The following BEND5 variants were observed in gnomAD, a reference collection of about 807,000 sequenced individuals.
BEND5 encodes BEN domain-containing protein 5.
BEND5 carries 22 observed loss-of-function variants against 43.9 expected under a neutral mutation model. That is an observed-to-expected ratio of 0.50 (90% CI 0.36 to 0.72). BEND5 has a LOEUF of 0.72. Ranked by LOEUF, BEND5 falls within the 30% of genes least tolerant of loss-of-function variation. The probability of loss-of-function intolerance (pLI) is 0.00; values close to 1 mark genes in which losing one functional copy is unlikely to be tolerated. For synonymous variants in BEND5, 228 were observed against 225.9 expected (o/e 1.01, Z -0.08); for missense variants, 428 against 550.6 (o/e 0.78, Z 2.23).
chr1:48,730,372 G>A (rs1159186231), intron 5 of BEND5, among the ~76,000 whole-genome samples: 2 of 152,142 alleles, frequency 1.3e-5, no homozygotes, highest in African/African-American at 2.4e-5. Context: ...CTCTAGGGGG[G>A]ACTTCTCTGG....
intron 3 of BEND5, among the ~76,000 whole-genome samples, chr1:48,752,993 C>T (rs913697386): frequency 6.6e-6 from 1 of 152,222 alleles, no homozygotes; most frequent in African/African-American, 2.4e-5. Flanking sequence ...CGTGATCCGC[C>T]TGCCTCGGCC....
At chr1:48,750,329 G>A (rs1219081761) in intron 3 of BEND5, among the ~76,000 whole-genome samples, 3 of 152,132 alleles carry the variant, frequency 2.0e-5, no homozygotes, top group Non-Finnish European at 4.4e-5. Flanking sequence ...CTGCTACCCA[G>A]CACTTCACTG....
chr1:48,758,808 T>C (rs1425629884), intron 3 of BEND5, 92 bp downstream of exon 3: 20 of 1,189,942 alleles, frequency 1.7e-5, no homozygotes, highest in Non-Finnish European at 2.3e-5. Flanking sequence ...TCAGGGCACT[T>C]GGTCTCCCTC....
rs1240182647 is a variant in BEND5, at chr1:48,736,654, A to C, written c.895-202T>G. Among the ~76,000 whole-genome samples, 1 of 152,132 alleles carries C rather than the reference A, an allele frequency of 6.6e-6. No individual in the cohort carries two copies. Among genetic ancestry groups the C allele is most frequent in the Non-Finnish European group, 1.5e-5 (1 of 68,024 alleles). On this transcript the variant is annotated intron_variant, in intron 4 of 5. Coordinates refer to ENST00000371833, the MANE Select transcript of BEND5 (RefSeq NM_024603.4). The surrounding 1 kb of genome is among the most constrained non-coding windows in gnomAD (Gnocchi z 4.0). ...GCCAGGCCTTATTCTAGGGCTTTAT[A>C]TTTGCTATCTTAAATCTTCATGGCA... is the stretch of plus-strand genomic sequence containing the variant.
chr1:48,742,947 G>A (rs984857669), intron 3 of BEND5, among the ~76,000 whole-genome samples, 176 bp from the exon 4 acceptor site: 4 of 152,116 alleles, frequency 2.6e-5, no homozygotes, highest in Non-Finnish European at 5.9e-5. Flanking sequence ...ATGTCACAAG[G>A]GAAAAGGTGG....
chr1:48,736,172 G>T lies in BEND5; in HGVS notation c.1108+67C>A. On this transcript the variant is annotated intron_variant, in intron 5 of 5. Coordinates refer to ENST00000371833, the MANE Select transcript of BEND5 (RefSeq NM_024603.4). This position sits in a 1 kb window ranked among gnomAD's most constrained non-coding sequence, Gnocchi z 4.0. ...ATAAGTAATCGTTGAATTGAATTGTGCCTAACACATTCTTGACAGAGTAAA... is the reference window on the plus strand; with the variant it reads ...ATAAGTAATCGTTGAATTGAATTGTTCCTAACACATTCTTGACAGAGTAAA... 6.6e-7 allele frequency: 1 copy of T among 1,511,372 alleles called. No homozygotes were observed. Among genetic ancestry groups the T allele is most frequent in the Non-Finnish European group, 9.2e-7 (1 of 1,087,948 alleles). 93.6% of individuals were successfully genotyped at this position (1,511,372 alleles called of 1,614,324 possible).
Position 48,770,928 on chromosome 1 carries a change from T to C in BEND5, c.226+5678A>G, listed in dbSNP as rs574863467. Among the ~76,000 whole-genome samples the C allele has an allele frequency of 5.3e-5, 8 of 152,322 alleles. No individual in the cohort carries two copies. In the East Asian group the frequency reaches 1.5e-3, roughly 29 times the overall value. Reference sequence around the variant, plus strand: ...CATATTTATCCACAAGTCCAGTCCATGTGGGAAGACTTAGCCCACTGCCTG... The same window carrying C: ...CATATTTATCCACAAGTCCAGTCCACGTGGGAAGACTTAGCCCACTGCCTG... On this transcript the variant is annotated intron_variant, in intron 1 of 5. Coordinates refer to ENST00000371833, the MANE Select transcript of BEND5 (RefSeq NM_024603.4).
At chr1:48,746,029 G>T (rs1373353167) in intron 3 of BEND5, among the ~76,000 whole-genome samples, 2 of 152,102 alleles carry the variant, frequency 1.3e-5, no homozygotes, top group African/African-American at 4.8e-5. Context: ...GGTCTCACCT[G>T]GCACAGTGCT....
intron 3 of BEND5, among the ~76,000 whole-genome samples, chr1:48,751,243 G>A (rs1651689900): frequency 6.6e-6 from 1 of 152,126 alleles, no homozygotes; most frequent in Non-Finnish European, 1.5e-5. Context: ...AGACATGGTG[G>A]GCTTTTAAAT....
Position 48,774,034 on chromosome 1 carries a change from T to A in BEND5, c.226+2572A>T, listed in dbSNP as rs1262373173. Among the ~76,000 whole-genome samples, 97 of 152,256 alleles carry A rather than the reference T, an allele frequency of 6.4e-4. 1 individual carries two copies. Among genetic ancestry groups the A allele is most frequent in the Admixed American group, 6.3e-3 (96 of 15,286 alleles). On this transcript the variant is annotated intron_variant, in intron 1 of 5. Transcript: ENST00000371833. ...TTCCTGAGTATAAAAAGAAGTATAC[T>A]TCAAGACAGCTCTGGGCTGGCTTGG...
intron 3 of BEND5, among the ~76,000 whole-genome samples, chr1:48,745,840 C>T (rs1051668056): frequency 2.0e-5 from 3 of 152,090 alleles, no homozygotes; most frequent in South Asian, 4.1e-4. Context: ...AGTAGAGCTT[C>T]CTTTGCACTC....
chr1:48,747,505 G>C (rs1317634977), intron 3 of BEND5, among the ~76,000 whole-genome samples: 1 of 152,102 alleles, frequency 6.6e-6, no homozygotes, highest in African/African-American at 2.4e-5. Flanking sequence ...TCCTGTTCTG[G>C]GGAAGTTCAG....
chr1:48,754,096 C>A (rs908595600), intron 3 of BEND5, among the ~76,000 whole-genome samples: 1 of 152,136 alleles, frequency 6.6e-6, no homozygotes, highest in Non-Finnish European at 1.5e-5. Context: ...CCGAGTCACA[C>A]CACAATGAAT....
At chr1:48,752,059 C>A (rs1356733320) in intron 3 of BEND5, among the ~76,000 whole-genome samples, 1 of 152,182 alleles carries the variant, frequency 6.6e-6, no homozygotes, top group Non-Finnish European at 1.5e-5. Context: ...AAGCAGGATA[C>A]AACAGTTTTT....
In BEND5 at chr1:48,759,242, T is replaced by C; in HGVS notation, c.403A>G (p.Ile135Val). 6.3e-7 allele frequency: 1 copy of C among 1,587,864 alleles called. No homozygotes were observed. The highest frequency in any genetic ancestry group is 8.6e-7 in the Non-Finnish European group (1 of 1,166,542). The change falls in exon 3 of 6, where the codon ATC becomes GTC. Residue 135 changes from isoleucine to valine, a missense_variant. Transcript: ENST00000371833. ...TCTAGCCGAGCCACCACTGCCTCGA[T>C]GCTCTTGTGCGCCACTTCGCTCGGC... is the stretch of plus-strand genomic sequence containing the variant. ...RKPSEVAHKS[I>V]EAVVARLEKQ...
At position 48,760,766 on chromosome 1, in the gene BEND5, T is replaced by A. The variant is rs1644215646; in HGVS notation, c.360+571A>T. ...TCCTTCTCCCTTCCTCTCAGGTATC[T>A]ACTGCACAGAAAAAAACAGCTAGCT... On this transcript the variant is annotated intron_variant, in intron 2 of 5. Coordinates refer to ENST00000371833, the MANE Select transcript of BEND5 (RefSeq NM_024603.4). Among the ~76,000 whole-genome samples the A allele has an allele frequency of 3.3e-5, 5 of 152,194 alleles. No homozygotes were observed. The South Asian group carries it at 1.0e-3, about 31-fold the overall frequency.
At chr1:48,751,153 G>T (rs148393213) in intron 3 of BEND5, among the ~76,000 whole-genome samples, 5 of 152,254 alleles carry the variant, frequency 3.3e-5, no homozygotes, top group African/African-American at 1.2e-4. Flanking sequence ...TCTCTCTAAA[G>T]AGACAATTTC....
At chr1:48,763,771 C>T (rs932350484) in intron 1 of BEND5, among the ~76,000 whole-genome samples, 10 of 152,122 alleles carry the variant, frequency 6.6e-5, no homozygotes, top group African/African-American at 2.2e-4. Flanking sequence ...TCAGATCATC[C>T]GATTCTATTT....
intron 1 of BEND5, among the ~76,000 whole-genome samples, chr1:48,765,234 T>C (rs1644473139): frequency 6.6e-6 from 1 of 152,130 alleles, no homozygotes; most frequent in South Asian, 2.1e-4. Context: ...CATAGAACTA[T>C]CCATACAATA....
Sources: gnomAD v4.1 joint callset for allele counts (sites outside exome capture counted in the v4.1 genomes callset) on GRCh38, gnomAD v4.1.1 for gene constraint, Gnocchi (gnomAD v3.1) non-coding constraint, MANE v1.5 for transcripts, NCBI Gene and HGNC (gene_info 2026-07-23, HGNC 2026-07-21) for gene names.